Variants in ROBO2 observed in about 807,000 individuals in gnomAD.
ROBO2 encodes roundabout homolog 2.
In ROBO2, 53 loss-of-function variants were observed where a neutral mutation model predicts 160.8. The ratio of observed to expected loss-of-function variants is 0.33; its 90% CI spans 0.26 to 0.41. The LOEUF is 0.41. Among genes scored for constraint, ROBO2 ranks in the 10% least tolerant of loss-of-function variants. ROBO2 has a pLI of 1.00. For missense variants in ROBO2, 1,577 were observed against 1,722.4 expected (o/e 0.92, Z 1.49); for synonymous variants, 664 against 611.7 (o/e 1.09, Z -1.26).
intron 2 of ROBO2, among the ~76,000 whole-genome samples, chr3:77,020,540 C>T (rs892740245): frequency 1.3e-5 from 2 of 151,980 alleles, no homozygotes. Context: ...CAGTATTGTT[C>T]GTATAAGGAA....
chr3:77,430,665 G>A (rs2078675850), intron 2 of ROBO2, among the ~76,000 whole-genome samples: 1 of 151,894 alleles, frequency 6.6e-6, no homozygotes, highest in Non-Finnish European at 1.5e-5. Context: ...CACTACAGGA[G>A]GGCACCATCT....
chr3:76,707,729 G>GTC (rs1477547702), intron 2 of ROBO2, among the ~76,000 whole-genome samples: 2 of 75,322 alleles, frequency 2.7e-5, no homozygotes, highest in Admixed American at 2.9e-4. Flanking sequence ...ATACATGTGT[G>GTC]TGTATATATA....
chr3:77,445,506 G>A (rs947024586), intron 2 of ROBO2, among the ~76,000 whole-genome samples: 6 of 151,494 alleles, frequency 4.0e-5, no homozygotes, highest in Admixed American at 6.6e-5. Flanking sequence ...ATTATATATC[G>A]CAACTAATAG....
At chr3:77,401,789 G>A (rs56154242) in intron 2 of ROBO2, among the ~76,000 whole-genome samples, 27,161 of 152,010 alleles carry the variant, frequency 0.18, 2,651 homozygotes, top group East Asian at 0.25. Context: ...CCCAATAATG[G>A]GATTGCTGGG....
chr3:76,963,836 C>CAAAAAAAAA (rs11407644), intron 2 of ROBO2, among the ~76,000 whole-genome samples: 2 of 106,164 alleles, frequency 1.9e-5, no homozygotes, highest in Admixed American at 1.1e-4. Flanking sequence ...TGAGGAACTG[C>CAAAAAAAAA]AAAAAAAAAA....
intron 2 of ROBO2, among the ~76,000 whole-genome samples, chr3:77,300,578 A>G (rs2062567368): frequency 6.6e-6 from 1 of 152,134 alleles, no homozygotes; most frequent in Non-Finnish European, 1.5e-5. Context: ...AAATTTAAAA[A>G]AAAAATAAAT....
intron 2 of ROBO2, among the ~76,000 whole-genome samples, chr3:77,026,135 C>G (rs1182024076): frequency 6.6e-6 from 1 of 152,104 alleles, no homozygotes; most frequent in East Asian, 1.9e-4. Flanking sequence ...TAATTTCCTT[C>G]AATACTATAG....
At chr3:76,676,702 A>G (rs1186077534) in intron 2 of ROBO2, among the ~76,000 whole-genome samples, 1 of 152,134 alleles carries the variant, frequency 6.6e-6, no homozygotes, top group Non-Finnish European at 1.5e-5. Flanking sequence ...CTAGGCATGT[A>G]TATTTCTCCG....
chr3:76,685,733 G>A (rs1385804616), intron 2 of ROBO2, among the ~76,000 whole-genome samples: 1 of 152,144 alleles, frequency 6.6e-6, no homozygotes, highest in African/African-American at 2.4e-5. Flanking sequence ...TTCATACACA[G>A]TTGGAACTTG....
Position 76,603,351 on chromosome 3 carries a change from A to ATATGT in ROBO2, c.110-494663_110-494662insTATGT, listed in dbSNP as rs1433390522. Among the ~76,000 whole-genome samples, 107 of 26,414 alleles carry ATATGT rather than the reference A, an allele frequency of 4.1e-3. 2 individuals carry two copies. Among genetic ancestry groups the ATATGT allele is most frequent in the African/African-American group, 0.025 (106 of 4,254 alleles). 17.3% of individuals were successfully genotyped at this position (26,414 alleles called of 152,430 possible). A position where few individuals can be genotyped will look rare whatever the true frequency, so the allele number is the denominator to read the frequency against. ...CATCTCCAAAAAAAAAAAAAAAAAA[A>ATATGT]ATATATATATATATATATATATATA... On this transcript the variant is annotated intron_variant, in intron 2 of 26. Coordinates refer to the ROBO2 transcript ENST00000487694.
intron 2 of ROBO2, among the ~76,000 whole-genome samples, chr3:76,806,716 G>T (rs959485781): frequency 5.9e-5 from 9 of 151,926 alleles, no homozygotes; most frequent in African/African-American, 2.2e-4. Context: ...TCCACAGTAG[G>T]TACCACCTCT....
chr3:76,344,252 A>G (rs547470174), intron 2 of ROBO2, among the ~76,000 whole-genome samples: 13 of 152,144 alleles, frequency 8.5e-5, no homozygotes, highest in Non-Finnish European at 1.6e-4. Context: ...ATTCAAGGGT[A>G]TTTACACTTC....
intron 2 of ROBO2, among the ~76,000 whole-genome samples, chr3:76,737,929 T>G (rs1420133453): frequency 6.6e-6 from 1 of 152,034 alleles, no homozygotes; most frequent in Non-Finnish European, 1.5e-5. Context: ...GGCAGATCAC[T>G]TGGGTTCAAG....
chr3:76,907,825 T>G (rs75296436), intron 2 of ROBO2, among the ~76,000 whole-genome samples: 53 of 100,876 alleles, frequency 5.3e-4, no homozygotes, highest in African/African-American at 1.0e-3. Context: ...TTGTTTGGGG[T>G]GTGTGTGTGT....
At chr3:77,142,465 G>T (rs2076782326) in intron 2 of ROBO2, among the ~76,000 whole-genome samples, 1 of 152,212 alleles carries the variant, frequency 6.6e-6, no homozygotes, top group African/African-American at 2.4e-5. Flanking sequence ...CTTCTGAGGA[G>T]TGCTAATATA....
chr3:76,073,267 C>CTTTTTTTTTTTTTTTTTTT lies in ROBO2; in HGVS notation c.109+135691_109+135709dup, dbSNP rs869307615. Among the ~76,000 whole-genome samples, 11 of 57,402 alleles carry CTTTTTTTTTTTTTTTTTTT rather than the reference C, an allele frequency of 1.9e-4. 4 individuals are homozygous for CTTTTTTTTTTTTTTTTTTT. The highest frequency in any genetic ancestry group is 3.5e-4 in the Non-Finnish European group (10 of 28,424). 37.7% of individuals were successfully genotyped at this position (57,402 alleles called of 152,430 possible). A position where few individuals can be genotyped will look rare whatever the true frequency, so the allele number is the denominator to read the frequency against. On this transcript the variant is annotated intron_variant, in intron 2 of 26. Transcript: ENST00000487694. ...TTGTAAACTTCTCAGAATGAGTATTCTTTTTTTTTTTTTTTTTTTTTTTTT... is the reference window on the plus strand; with the variant it reads ...TTGTAAACTTCTCAGAATGAGTATTCTTTTTTTTTTTTTTTTTTTTTTTTTTTTTTTTTTTTTTTTTTTT...
chr3:77,299,372 C>T (rs1052017366), intron 2 of ROBO2, among the ~76,000 whole-genome samples: 8 of 152,068 alleles, frequency 5.3e-5, no homozygotes, highest in Admixed American at 3.9e-4. Flanking sequence ...TTTGTTCTCA[C>T]GCTGCTATGA....
intron 2 of ROBO2, among the ~76,000 whole-genome samples, chr3:76,244,185 A>G (rs1705476849): frequency 6.6e-6 from 1 of 152,250 alleles, no homozygotes; most frequent in Admixed American, 6.5e-5. Flanking sequence ...ACAGCCTGTA[A>G]GAGGTAAAGC....
Position 76,626,821 on chromosome 3 carries a change from T to C in ROBO2, c.110-471193T>C, listed in dbSNP as rs190487632. On this transcript the variant is annotated intron_variant, in intron 2 of 26. Transcript: ENST00000487694. ...CATTCTCCTGCCTCAGCCTCCCGAG[T>C]AGCTGGGACTACAGGCGCCACCACC... Among the ~76,000 whole-genome samples the C allele has an allele frequency of 4.8e-4, 73 of 152,056 alleles. 1 individual carries two copies. Among genetic ancestry groups the C allele is most frequent in the Admixed American group, 2.9e-3 (44 of 15,288 alleles).
Sources: allele counts gnomAD v4.1 joint callset (sites outside exome capture counted in the v4.1 genomes callset), GRCh38; gene constraint gnomAD v4.1.1; transcripts MANE v1.5; gene names NCBI Gene and HGNC (gene_info 2026-07-23, HGNC 2026-07-21).